Variants in CHSY3 observed in about 807,000 individuals in gnomAD.
CHSY3 encodes chondroitin sulfate synthase 3, also known as N-acetylgalactosaminyl-proteoglycan 3-beta-glucuronosyltransferase 3.
Under a neutral mutation model 67.2 loss-of-function variants are expected in CHSY3, and 35 were observed. The ratio of observed to expected loss-of-function variants is 0.52; its 90% CI spans 0.40 to 0.69. CHSY3 has a LOEUF of 0.69. CHSY3 is among the 30% of genes least tolerant of loss of function. The pLI is 0.00. For missense variants in CHSY3, 1,069 were observed against 1,138.5 expected, an observed-to-expected ratio of 0.94 and a Z score of 0.88; for synonymous variants, 474 against 434.7, an observed-to-expected ratio of 1.09 and a Z score of -1.12.
intron 2 of CHSY3, among the ~76,000 whole-genome samples, chr5:130,091,532 A>T (rs1011357028): frequency 6.6e-6 from 1 of 152,176 alleles, no homozygotes; most frequent in East Asian, 1.9e-4. Context: ...TCTTTTCAAG[A>T]TCCCTCTAGG....
At chr5:129,996,917 T>G (rs1763557216) in intron 2 of CHSY3, among the ~76,000 whole-genome samples, 1 of 152,188 alleles carries the variant, frequency 6.6e-6, no homozygotes, top group African/African-American at 2.4e-5. Context: ...TCTTTTCAGT[T>G]TCATTAGTGC....
At chr5:130,162,820 A>G (rs1191306016) in intron 2 of CHSY3, among the ~76,000 whole-genome samples, 1 of 152,226 alleles carries the variant, frequency 6.6e-6, no homozygotes, top group Non-Finnish European at 1.5e-5. Context: ...GAAAGGCCAC[A>G]TACCAATTGT....
chr5:129,915,452 T>C (rs550624149), intron 2 of CHSY3, among the ~76,000 whole-genome samples: 3 of 152,322 alleles, frequency 2.0e-5, no homozygotes, highest in Non-Finnish European at 4.4e-5. Flanking sequence ...CGTTTCTAAA[T>C]TAACTGAATC....
chr5:130,153,064 C>T (rs1769274927), intron 2 of CHSY3, among the ~76,000 whole-genome samples: 1 of 152,066 alleles, frequency 6.6e-6, no homozygotes, highest in African/African-American at 2.4e-5. Flanking sequence ...AACCCTGCCT[C>T]TACTAAAAAT....
intron 2 of CHSY3, among the ~76,000 whole-genome samples, chr5:130,163,690 G>C (rs1769633423): frequency 6.6e-6 from 1 of 152,092 alleles, no homozygotes; most frequent in South Asian, 2.1e-4. Context: ...TATTACCTTT[G>C]CCAAAATAAA....
At chr5:129,965,267 C>A (rs754209270) in intron 2 of CHSY3, among the ~76,000 whole-genome samples, 1 of 151,916 alleles carries the variant, frequency 6.6e-6, no homozygotes, top group Non-Finnish European at 1.5e-5. Context: ...CTCTTTAGAA[C>A]TGAGATTTGT....
In CHSY3 at chr5:130,184,993, T is replaced by A; in HGVS notation, c.1851T>A (p.Asn617Lys). 1.3e-6 allele frequency: 2 copies of A among 1,559,764 alleles called. No homozygotes were observed. The highest frequency in any genetic ancestry group is 1.8e-6 in the Non-Finnish European group (2 of 1,130,818). Reference sequence around the variant, plus strand: ...GTGCCAAAGAAATGGGAGGGCACAATGAAAAGAAAGTACACATTCTCGTTC... The same window carrying A: ...GTGCCAAAGAAATGGGAGGGCACAAAGAAAAGAAAGTACACATTCTCGTTC... ...FQGAKEMGGHNEKKVHILVPL... is the reference protein window; with the variant it reads ...FQGAKEMGGHKEKKVHILVPL... Residue 617 changes from asparagine (N) to lysine (K), a missense_variant, in exon 3 of 3, where the codon AAT becomes AAA. Physicochemically the swap from Asn to Lys is moderately conservative, Grantham distance 94. This residue lies in a region of CHSY3 where 401 missense variants were observed against 395.2 expected (regional missense o/e 1.01). Transcript: ENST00000305031.
At chr5:130,178,615 AT>A (rs982153218) in intron 2 of CHSY3, among the ~76,000 whole-genome samples, 59 of 152,036 alleles carry the variant, frequency 3.9e-4, no homozygotes, top group African/African-American at 8.2e-4. Context: ...TTCATTATAC[AT>A]TTTTTTGTCT....
intron 2 of CHSY3, among the ~76,000 whole-genome samples, chr5:130,081,550 A>T (rs1297507932): frequency 6.6e-6 from 1 of 152,018 alleles, no homozygotes; most frequent in Non-Finnish European, 1.5e-5. Context: ...CCCCACCCAA[A>T]TCCACTCCTG....
Position 130,184,460 on chromosome 5 carries a change from A to G in CHSY3, c.1318A>G (p.Ser440Gly). The stretch of plus-strand genomic sequence containing the variant: ...GAGCAAGCTCAGTAACACAGAAGTG[A>G]GCAAAGAGGACCAGCAGCTGGGAGT... ...LMSKLSNTEV[S>G]KEDQQLGVIP... Residue 440 changes from serine to glycine, a missense_variant, in exon 3 of 3, where the codon AGC (serine) becomes GGC (glycine). This residue lies in a region of CHSY3 where 401 missense variants were observed against 395.2 expected (regional missense o/e 1.01). Transcript: ENST00000305031. The G allele has an allele frequency of 6.2e-7, 1 of 1,613,782 alleles. No homozygotes were observed. Among genetic ancestry groups the G allele is most frequent in the Non-Finnish European group, 8.5e-7 (1 of 1,179,684 alleles).
intron 2 of CHSY3, among the ~76,000 whole-genome samples, chr5:130,121,363 T>C (rs529589839): frequency 5.9e-5 from 9 of 152,318 alleles, no homozygotes; most frequent in Non-Finnish European, 1.2e-4. Context: ...TAGAAATCCA[T>C]TTTTCTAATG....
intron 2 of CHSY3, among the ~76,000 whole-genome samples, chr5:129,970,145 T>A (rs974756890): frequency 6.6e-6 from 1 of 150,454 alleles, no homozygotes; most frequent in Non-Finnish European, 1.5e-5. Flanking sequence ...CACGTCAGCC[T>A]TTTGTTTGCT....
chr5:130,178,567 G>A (rs1770151357), intron 2 of CHSY3, among the ~76,000 whole-genome samples: 1 of 151,908 alleles, frequency 6.6e-6, no homozygotes, highest in African/African-American at 2.4e-5. Context: ...CTGGTTTTAT[G>A]TTCTCAGTAT....
intron 1 of CHSY3, among the ~76,000 whole-genome samples, chr5:129,906,443 C>A (rs1381077675): frequency 6.6e-6 from 1 of 152,208 alleles, no homozygotes; most frequent in East Asian, 1.9e-4. Context: ...GTATTGGTTC[C>A]TTTCCAGTGC....
intron 2 of CHSY3, among the ~76,000 whole-genome samples, chr5:129,979,346 A>C (rs1762910301): frequency 1.3e-5 from 2 of 152,166 alleles, no homozygotes; most frequent in African/African-American, 2.4e-5. Context: ...AAAACTGACA[A>C]GATTTGTGGC....
In CHSY3 at chr5:129,907,038, T is replaced by C. The variant is rs371066981; in HGVS notation, c.803-1039T>C. Among the ~76,000 whole-genome samples the C allele has an allele frequency of 1.2e-4, 19 of 152,202 alleles. No individual in the cohort carries two copies. In the East Asian group the frequency reaches 2.1e-3, roughly 17 times the overall value. ...TCATTACATTTTTAACAGTGGTATT[T>C]AGGATTGACTCAAAGAAGAAAGCTT... On this transcript the variant is annotated intron_variant, in intron 1 of 2. Transcript: ENST00000305031.
intron 2 of CHSY3, among the ~76,000 whole-genome samples, chr5:130,145,373 T>G (rs1419146390): frequency 6.6e-6 from 1 of 152,304 alleles, no homozygotes; most frequent in East Asian, 1.9e-4. Context: ...TAAATGTTGC[T>G]GGGAAAATTT....
intron 2 of CHSY3, among the ~76,000 whole-genome samples, chr5:130,094,258 C>T (rs1382169140): frequency 1.3e-5 from 2 of 151,976 alleles, no homozygotes; most frequent in Non-Finnish European, 2.9e-5. Context: ...TAAATGTAAG[C>T]ATTCAAAGAA....
chr5:130,121,495 C>T (rs2149708990), intron 2 of CHSY3, among the ~76,000 whole-genome samples: 1 of 152,240 alleles, frequency 6.6e-6, no homozygotes, highest in African/African-American at 2.4e-5. Context: ...GAGCTTCCTG[C>T]ACTTCTCCTG....
Sources: allele counts gnomAD v4.1 joint callset (sites outside exome capture counted in the v4.1 genomes callset), GRCh38; gene constraint gnomAD v4.1.1; regional missense constraint gnomAD v4.1.1; transcripts MANE v1.5; gene names NCBI Gene and HGNC (gene_info 2026-07-23, HGNC 2026-07-21).